SIRT5: variants seen among roughly 807,000 people sequenced by gnomAD.
SIRT5 encodes the protein NAD-dependent protein deacylase sirtuin-5, mitochondrial.
SIRT5 carries 26 observed loss-of-function variants against 40.0 expected under a neutral mutation model. The ratio of observed to expected loss-of-function variants is 0.65; its 90% CI spans 0.48 to 0.90. The LOEUF is 0.90. Among genes scored for constraint, SIRT5 ranks in the 40% least tolerant of loss-of-function variants. The probability of loss-of-function intolerance (pLI) is 0.00; values close to 1 mark genes in which losing one functional copy is unlikely to be tolerated. For synonymous variants in SIRT5, 146 were observed against 149.1 expected, an observed-to-expected ratio of 0.98 and a Z score of 0.15; for missense variants, 401 against 402.4, an observed-to-expected ratio of 1.00 and a Z score of 0.03.
intron 3 of SIRT5, chr6:13,585,247 T>G (rs534163397): frequency 1.3e-5 from 2 of 152,198 alleles, no homozygotes; most frequent in South Asian, 4.1e-4. Flanking sequence ...ATTTATTTAT[T>G]TATTTTTTAT....
At chr6:13,603,974 T>C (rs545787695) in intron 9 of SIRT5, among the ~76,000 whole-genome samples, 1 of 152,348 alleles carries the variant, frequency 6.6e-6, no homozygotes, top group South Asian at 2.1e-4. Flanking sequence ...ACTTCATTTA[T>C]ACGAAATATC....
At chr6:13,602,308 A>G (rs751354087) in intron 9 of SIRT5, among the ~76,000 whole-genome samples, 1 of 152,226 alleles carries the variant, frequency 6.6e-6, no homozygotes, top group Non-Finnish European at 1.5e-5. Context: ...TGAAAAATGA[A>G]GTTGGAGAAC....
intron 9 of SIRT5, among the ~76,000 whole-genome samples, chr6:13,601,309 C>T (rs1219194181): frequency 6.6e-6 from 1 of 152,202 alleles, no homozygotes; most frequent in South Asian, 2.1e-4. Context: ...CCTTGCAGAA[C>T]CTCATCACCT....
rs764873720 is a variant in SIRT5, at chr6:13,599,192, G to A, written c.741+37G>A. Reference sequence around the variant, plus strand: ...CCTTCCCTAACCCCAGGACAGGACTGGAGTTTGTTATTTTTTCCTTCCCCC... The same window carrying A: ...CCTTCCCTAACCCCAGGACAGGACTAGAGTTTGTTATTTTTTCCTTCCCCC... On this transcript the variant is annotated intron_variant, in intron 8 of 9. Transcript: ENST00000606117. 4.4e-6 allele frequency: 7 copies of A among 1,583,112 alleles called. No individual in the cohort carries two copies. In the Admixed American group the frequency reaches 1.2e-4, roughly 28 times the overall value.
intron 9 of SIRT5, chr6:13,604,494 A>G: frequency 6.4e-7 from 1 of 1,570,956 alleles, no homozygotes; most frequent in Non-Finnish European, 8.7e-7. Flanking sequence ...TCTCCATCTC[A>G]TCTCTAATTA....
At chr6:13,609,371 T>A (rs779986380) in intron 9 of SIRT5, among the ~76,000 whole-genome samples, 7 of 152,012 alleles carry the variant, frequency 4.6e-5, no homozygotes, top group Non-Finnish European at 1.0e-4. Context: ...ATTAAAGCAA[T>A]TGGGGGGAGG....
In SIRT5 at chr6:13,611,777, T is replaced by A. The variant is rs781700642; in HGVS notation, c.858-13T>A. The A allele has an allele frequency of 1.2e-6, 2 of 1,601,074 alleles. No individual in the cohort carries two copies. Among genetic ancestry groups the A allele is most frequent in the Non-Finnish European group, 1.7e-6 (2 of 1,168,180 alleles). The stretch of plus-strand genomic sequence containing the variant: ...GTAGTTCAAAACTGCTGTATTTGCT[T>A]CTTCTCTTTCAGGTTTCATTTCCAG... On this transcript the variant is annotated splice_polypyrimidine_tract_variant and intron_variant, in intron 9 of 9. Coordinates refer to ENST00000606117, the MANE Select transcript of SIRT5 (RefSeq NM_012241.5).
chr6:13,614,447 T>C lies in SIRT5; in HGVS notation c.*2582T>C, dbSNP rs1764184446. 1 of 152,180 alleles carries C rather than the reference T, an allele frequency of 6.6e-6. No individual in the cohort carries two copies. The highest frequency in any genetic ancestry group is 2.1e-4 in the South Asian group (1 of 4,826). The allele number at this position is 152,180 out of a possible 1,614,324, so 9.4% of individuals were successfully genotyped here. A position where few individuals can be genotyped will look rare whatever the true frequency, so the allele number is the denominator to read the frequency against. ...GCATGGCAGGTGTGAAACAGTTTGA[T>C]TTGTTCAAAGAATGATGAATCACTT... On this transcript the variant is annotated 3_prime_UTR_variant, in exon 10 of 10. Coordinates refer to ENST00000606117, the MANE Select transcript of SIRT5 (RefSeq NM_012241.5).
chr6:13,584,580 A>G (rs1728433386), intron 3 of SIRT5, among the ~76,000 whole-genome samples: 1 of 151,782 alleles, frequency 6.6e-6, no homozygotes, highest in African/African-American at 2.4e-5. Flanking sequence ...CGATCTCTTG[A>G]TCTCGTAATT....
intron 4 of SIRT5, chr6:13,589,587 G>A (rs570685073): frequency 6.6e-6 from 1 of 152,376 alleles, no homozygotes; most frequent in African/African-American, 2.4e-5. Flanking sequence ...TGAATGCAGA[G>A]TTCATGAAGC....
intron 4 of SIRT5, 69 bp downstream of exon 4, chr6:13,588,533 C>T: frequency 6.6e-7 from 1 of 1,520,388 alleles, no homozygotes; most frequent in Non-Finnish European, 8.8e-7. Context: ...GACTCAAATC[C>T]TATACCGATC....
intron 6 of SIRT5, among the ~76,000 whole-genome samples, 178 bp downstream of exon 6, chr6:13,595,742 G>T (rs1346138131): frequency 6.6e-6 from 1 of 152,036 alleles, no homozygotes; most frequent in Non-Finnish European, 1.5e-5. Context: ...GGGTTACAAG[G>T]TGGGGAGACT....
intron 7 of SIRT5, 29 bp from the exon 8 acceptor site, chr6:13,599,003 G>T: frequency 6.2e-7 from 1 of 1,611,926 alleles, no homozygotes; most frequent in Non-Finnish European, 8.5e-7. Flanking sequence ...ACTTGGCTCG[G>T]GGTTGGCTTA....
At chr6:13,576,819 T>C (rs1758695347) in intron 1 of SIRT5, among the ~76,000 whole-genome samples, 1 of 152,230 alleles carries the variant, frequency 6.6e-6, no homozygotes, top group Admixed American at 6.5e-5. Flanking sequence ...TTTGAGTTGA[T>C]TTTTGTATAT....
At chr6:13,606,107 G>C (rs1763068432) in intron 9 of SIRT5, among the ~76,000 whole-genome samples, 1 of 152,232 alleles carries the variant, frequency 6.6e-6, no homozygotes, top group Admixed American at 6.5e-5. Flanking sequence ...TACAGCACGT[G>C]AGCAGGTGCT....
intron 1 of SIRT5, among the ~76,000 whole-genome samples, chr6:13,575,118 G>T (rs3799932): frequency 3.9e-5 from 6 of 152,188 alleles, no homozygotes; most frequent in Non-Finnish European, 5.9e-5. Flanking sequence ...CAGTGCTTCG[G>T]GGGGAGGCGG....
intron 9 of SIRT5, among the ~76,000 whole-genome samples, chr6:13,609,719 A>G (rs1466552124): frequency 6.6e-6 from 1 of 152,218 alleles, no homozygotes; most frequent in Non-Finnish European, 1.5e-5. Context: ...AAAATCCAAA[A>G]GCAGTAGTCA....
chr6:13,583,686 C>T (rs913265908), intron 2 of SIRT5, among the ~76,000 whole-genome samples: 2 of 152,230 alleles, frequency 1.3e-5, no homozygotes, highest in Non-Finnish European at 2.9e-5. Context: ...TGAGTAGTTA[C>T]TAGAATCACC....
Position 13,584,206 on chromosome 6 carries a change from A to T in SIRT5, c.96A>T (p.Lys32Asn). 6.2e-7 allele frequency: 1 copy of T among 1,614,098 alleles called. No homozygotes were observed. Among genetic ancestry groups the T allele is most frequent in the Non-Finnish European group, 8.5e-7 (1 of 1,179,982 alleles). Residue 32 changes from lysine (K) to asparagine (N), a missense_variant, in exon 3 of 10, where the codon AAA (lysine) becomes AAT (asparagine). By Grantham distance (94) the Lys-to-Asn change is moderately conservative. Transcript: ENST00000606117. ...CCACACGAAACCAGATTTGCCTGAA[A>T]ATGGCTCGGCCAAGTTCAAGTAAGT... ...PASTRNQICL[K>N]MARPSSSMAD...
Sources: allele counts gnomAD v4.1 joint callset (sites outside exome capture counted in the v4.1 genomes callset), GRCh38; gene constraint gnomAD v4.1.1; transcripts MANE v1.5; gene names NCBI Gene and HGNC (gene_info 2026-07-23, HGNC 2026-07-21).